The following PPP1R9A variants were observed in gnomAD, a reference collection of about 807,000 sequenced individuals.
PPP1R9A encodes protein phosphatase 1 regulatory subunit 9A, also known as neurabin-1.
Under a neutral mutation model 141.9 loss-of-function variants are expected in PPP1R9A, and 59 were observed. The observed-to-expected ratio is 0.42, with a 90% CI of 0.34 to 0.52. PPP1R9A has a LOEUF of 0.52. Among genes scored for constraint, PPP1R9A ranks in the 20% least tolerant of loss-of-function variants. The pLI is 0.10. For missense variants in PPP1R9A, 1,444 were observed against 1,611.9 expected, an observed-to-expected ratio of 0.90 and a Z score of 1.78; for synonymous variants, 500 against 569.7, an observed-to-expected ratio of 0.88 and a Z score of 1.74.
intron 2 of PPP1R9A, among the ~76,000 whole-genome samples, chr7:95,100,148 G>A (rs1818568737): frequency 6.6e-6 from 1 of 152,042 alleles, no homozygotes; most frequent in Non-Finnish European, 1.5e-5. Flanking sequence ...GAGGAGTCGT[G>A]GTGGCTCATG....
intron 16 of PPP1R9A, among the ~76,000 whole-genome samples, chr7:95,280,991 T>C (rs1387160912): frequency 6.6e-6 from 1 of 152,228 alleles, no homozygotes; most frequent in Non-Finnish European, 1.5e-5. Context: ...AAGAGTTCAA[T>C]TTATTCAGAA....
At position 95,147,237 on chromosome 7, in the gene PPP1R9A, A is replaced by G. The variant is rs571155270; in HGVS notation, c.1650-14630A>G. On this transcript the variant is annotated intron_variant, in intron 4 of 19. Coordinates refer to ENST00000433360, the MANE Select transcript of PPP1R9A (RefSeq NM_001166160.2). ...TCGCTTGTAAGTTGTATTCCTAGAT[A>G]TTTTATTCTCCTTGTAGCAATTGTG... 3.3e-5 allele frequency among the ~76,000 whole-genome samples: 5 copies of G among 152,184 alleles called. No individual in the cohort carries two copies. The South Asian group carries it at 1.0e-3, about 32-fold the overall frequency.
rs576503463 is a variant in PPP1R9A at position 95,202,542 on chromosome 7, C to CTCTT, written c.1891-1121_1891-1118dup. The CTCTT allele has an allele frequency of 2.6e-3, 1,983 of 759,722 alleles. 26 individuals are homozygous for CTCTT. In the African/African-American group the frequency reaches 0.033, roughly 13 times the overall value. 47.1% of individuals were successfully genotyped at this position (759,722 alleles called of 1,614,324 possible). On this transcript the variant is annotated intron_variant, in intron 6 of 19. Coordinates refer to ENST00000433360, the MANE Select transcript of PPP1R9A (RefSeq NM_001166160.2). The stretch of plus-strand genomic sequence containing the variant: ...TCACTTGTTTTTTTTTTCTTTCTTT[C>CTCTT]TCTTTTCTTTTTTTTAATAATCTGA...
chr7:95,087,901 A>AAGAG (rs200581736), intron 2 of PPP1R9A, among the ~76,000 whole-genome samples: 1 of 151,574 alleles, frequency 6.6e-6, no homozygotes, highest in African/African-American at 2.4e-5. Context: ...TCTCAAAAAA[A>AAGAG]AGAGAGAGAG....
intron 7 of PPP1R9A, among the ~76,000 whole-genome samples, chr7:95,217,602 G>A (rs1793674438): frequency 6.6e-6 from 1 of 152,070 alleles, no homozygotes; most frequent in African/African-American, 2.4e-5. Context: ...TCTGGTCCTG[G>A]ACTTTTTTTG....
At chr7:95,091,488 C>A (rs1817338380) in intron 2 of PPP1R9A, among the ~76,000 whole-genome samples, 1 of 151,380 alleles carries the variant, frequency 6.6e-6, no homozygotes, top group Non-Finnish European at 1.5e-5. Flanking sequence ...GGATTATAAG[C>A]ACATGACACC....
At chr7:95,251,672 G>A in intron 10 of PPP1R9A, 90 bp from the exon 11 acceptor site, 4 of 1,194,976 alleles carry the variant, frequency 3.3e-6, no homozygotes, top group Non-Finnish European at 4.6e-6. Context: ...CTGTTCAGTT[G>A]CTTATCCTAC....
intron 5 of PPP1R9A, among the ~76,000 whole-genome samples, chr7:95,183,602 C>G (rs1386231511): frequency 2.6e-5 from 4 of 151,476 alleles, no homozygotes; most frequent in Non-Finnish European, 5.9e-5. Flanking sequence ...AGGCGCCCAC[C>G]ACCACACATG....
At chr7:95,132,398 A>T (rs1047564845) in intron 4 of PPP1R9A, among the ~76,000 whole-genome samples, 1 of 152,206 alleles carries the variant, frequency 6.6e-6, no homozygotes, top group South Asian at 2.1e-4. Flanking sequence ...TCATGAAGCA[A>T]TATTAGATTT....
intron 2 of PPP1R9A, among the ~76,000 whole-genome samples, chr7:95,031,319 G>A (rs960316838): frequency 2.0e-5 from 3 of 152,022 alleles, no homozygotes; most frequent in Non-Finnish European, 4.4e-5. Flanking sequence ...TACAGAAAGC[G>A]TTACCTCTAA....
intron 10 of PPP1R9A, among the ~76,000 whole-genome samples, chr7:95,250,907 C>T (rs1268095471): frequency 6.6e-6 from 1 of 152,006 alleles, no homozygotes; most frequent in African/African-American, 2.4e-5. Flanking sequence ...AGACTGACCA[C>T]GGAGATTTTT....
intron 2 of PPP1R9A, among the ~76,000 whole-genome samples, chr7:94,941,554 G>C (rs1795331235): frequency 6.6e-6 from 1 of 151,724 alleles, no homozygotes; most frequent in African/African-American, 2.4e-5. Flanking sequence ...TTATCTAAAT[G>C]CTCTTAAAGT....
intron 2 of PPP1R9A, among the ~76,000 whole-genome samples, chr7:95,088,985 G>A (rs964135818): frequency 6.6e-6 from 1 of 151,980 alleles, no homozygotes; most frequent in Admixed American, 6.6e-5. Context: ...TTTTACAGAT[G>A]AGGAAGATGT....
At position 95,107,985 on chromosome 7, in the gene PPP1R9A, G is replaced by A. The variant is rs895523102; in HGVS notation, c.1396-3274G>A. Among the ~76,000 whole-genome samples the A allele has an allele frequency of 2.6e-5, 4 of 152,160 alleles. No individual in the cohort carries two copies. In the South Asian group the frequency reaches 6.2e-4, roughly 24 times the overall value. Reference sequence around the variant, plus strand: ...AGAGAAAAATGCTTGTACATTTATGGTTGGTAATTACTAAGTGTTTTATTG... The same window carrying A: ...AGAGAAAAATGCTTGTACATTTATGATTGGTAATTACTAAGTGTTTTATTG... On this transcript the variant is annotated intron_variant, in intron 2 of 19. Coordinates refer to ENST00000433360, the MANE Select transcript of PPP1R9A (RefSeq NM_001166160.2).
intron 3 of PPP1R9A, among the ~76,000 whole-genome samples, chr7:95,118,160 C>T (rs566558516): frequency 6.6e-6 from 1 of 152,290 alleles, no homozygotes; most frequent in East Asian, 1.9e-4. Context: ...GGAGAGCCTT[C>T]AGCACACATC....
chr7:95,109,409 A>G (rs1820144955), intron 2 of PPP1R9A, among the ~76,000 whole-genome samples: 1 of 152,254 alleles, frequency 6.6e-6, no homozygotes, highest in South Asian at 2.1e-4. Context: ...TCCAGTGCCT[A>G]GCACAATGTC....
At chr7:95,156,269 C>T (rs1398022268) in intron 4 of PPP1R9A, 2 of 152,286 alleles carry the variant, frequency 1.3e-5, no homozygotes, top group African/African-American at 4.8e-5. Flanking sequence ...CAGGAAGCTT[C>T]CCCAGCTGGC....
chr7:95,286,474 C>T, intron 18 of PPP1R9A, 149 bp downstream of exon 18: 1 of 1,348,568 alleles, frequency 7.4e-7, no homozygotes, highest in Non-Finnish European at 9.7e-7. Context: ...CATGATTTCT[C>T]TCCCTCCCTT....
chr7:95,088,737 G>A (rs1584627212), intron 2 of PPP1R9A, among the ~76,000 whole-genome samples: 1 of 151,924 alleles, frequency 6.6e-6, no homozygotes, highest in African/African-American at 2.4e-5. Flanking sequence ...CTTTTGCCTG[G>A]GGTGATGTGA....
Sources: gnomAD v4.1 joint callset for allele counts (sites outside exome capture counted in the v4.1 genomes callset) on GRCh38, gnomAD v4.1.1 for gene constraint, MANE v1.5 for transcripts, NCBI Gene and HGNC (gene_info 2026-07-23, HGNC 2026-07-21) for gene names.